The following MYO9A variants were observed in gnomAD, a reference collection of about 807,000 sequenced individuals.
MYO9A encodes the protein unconventional myosin-IXa.
MYO9A carries 103 observed loss-of-function variants against 293.3 expected under a neutral mutation model. That is an observed-to-expected ratio of 0.35 (90% CI 0.30 to 0.41). The LOEUF (loss-of-function observed/expected upper bound fraction) is 0.41. Ranked by LOEUF, MYO9A falls within the 10% of genes least tolerant of loss-of-function variation. The pLI, the probability that MYO9A is intolerant of heterozygous loss-of-function variation, is 1.00. For synonymous variants in MYO9A, 1,001 were observed against 1,035.7 expected, an observed-to-expected ratio of 0.97 and a Z score of 0.64; for missense variants, 2,685 against 3,033.0, an observed-to-expected ratio of 0.89 and a Z score of 2.69.
chr15:72,010,084 G>A (rs1310758583), intron 7 of MYO9A, among the ~76,000 whole-genome samples: 1 of 152,096 alleles, frequency 6.6e-6, no homozygotes, highest in Non-Finnish European at 1.5e-5. Flanking sequence ...AAGGTCCATG[G>A]ATAGGCTTCA....
chr15:71,900,103 G>C (rs1157411979), intron 23 of MYO9A, 97 bp from the exon 24 acceptor site: 1 of 1,221,150 alleles, frequency 8.2e-7, no homozygotes, highest in East Asian at 2.6e-5. Context: ...CATAATTACA[G>C]GTTAAGTGGC....
intron 1 of MYO9A, among the ~76,000 whole-genome samples, chr15:72,109,073 T>A (rs1355293464): frequency 6.6e-6 from 1 of 152,076 alleles, no homozygotes; most frequent in African/African-American, 2.4e-5. Flanking sequence ...GCAACTTACT[T>A]TCAAAAGGTT....
At chr15:71,914,960 C>T (rs948361774) in intron 19 of MYO9A, among the ~76,000 whole-genome samples, 14 of 152,250 alleles carry the variant, frequency 9.2e-5, no homozygotes, top group African/African-American at 3.1e-4. Flanking sequence ...CTTAATAATT[C>T]TACCTTTCAT....
intron 1 of MYO9A, among the ~76,000 whole-genome samples, chr15:72,060,739 C>A (rs2078855790): frequency 6.6e-6 from 1 of 152,194 alleles, no homozygotes; most frequent in Non-Finnish European, 1.5e-5. Flanking sequence ...TGGGATCATA[C>A]ATAAACTTAG....
At chr15:71,901,475 A>G (rs980131676) in intron 22 of MYO9A, 135 bp from the exon 23 acceptor site, 1 of 869,168 alleles carries the variant, frequency 1.2e-6, no homozygotes, top group African/African-American at 1.7e-5. Flanking sequence ...GTACTGATAA[A>G]TATTCCTACA....
At position 72,117,777 on chromosome 15, in the gene MYO9A, G is replaced by A. The variant is rs1225713061; in HGVS notation, c.-169C>T. On this transcript the variant is annotated 5_prime_UTR_variant, in exon 1 of 42. Transcript: ENST00000356056. ...GGGTAGGACCGGAGATGGCAGAAGA[G>A]GCCGAGGCCACCGAGGGTCGGACGG... 4 of 398,060 alleles carry A rather than the reference G, an allele frequency of 1.0e-5. No individual in the cohort carries two copies. Among genetic ancestry groups the A allele is most frequent in the Non-Finnish European group, 1.8e-5 (4 of 225,472 alleles). The allele number at this position is 398,060 out of a possible 1,614,324, so 24.7% of individuals were successfully genotyped here.
chr15:71,832,515 C>A (rs1282796331), intron 39 of MYO9A, among the ~76,000 whole-genome samples: 1 of 152,050 alleles, frequency 6.6e-6, no homozygotes, highest in Non-Finnish European at 1.5e-5. Context: ...GTTTATTTCT[C>A]AACAGAAATA....
rs1351852778 is a variant in MYO9A, at chr15:72,002,688, A to G, written c.1381-2748T>C. 2.6e-5 allele frequency among the ~76,000 whole-genome samples: 4 copies of G among 152,210 alleles called. No individual in the cohort carries two copies. The East Asian group carries it at 7.7e-4, about 29-fold the overall frequency. ...CTATGTATTCTTTATAAAAACATCT[A>G]TCTATACTGAAAATATAGAAACAAG... On this transcript the variant is annotated intron_variant, in intron 8 of 41. Transcript: ENST00000356056.
intron 10 of MYO9A, among the ~76,000 whole-genome samples, chr15:71,994,021 A>T (rs2076623105): frequency 6.6e-6 from 1 of 152,054 alleles, no homozygotes; most frequent in Admixed American, 6.6e-5. Context: ...ATACACAGGT[A>T]AGTAAAAGAA....
intron 1 of MYO9A, among the ~76,000 whole-genome samples, chr15:72,098,517 C>CA (rs2080141510): frequency 6.6e-6 from 1 of 151,716 alleles, no homozygotes; most frequent in South Asian, 2.1e-4. Flanking sequence ...AAATAAATAA[C>CA]AAAACTACAT....
At chr15:71,950,951 C>T (rs1334339832) in intron 15 of MYO9A, among the ~76,000 whole-genome samples, 1 of 152,054 alleles carries the variant, frequency 6.6e-6, no homozygotes, top group African/African-American at 2.4e-5. Context: ...AGCAGTGCCT[C>T]AATAATAGTA....
chr15:71,988,253 A>G (rs549150451), intron 11 of MYO9A, among the ~76,000 whole-genome samples: 1 of 152,326 alleles, frequency 6.6e-6, no homozygotes, highest in South Asian at 2.1e-4. Context: ...TTAACTTAGT[A>G]TGATTTATGT....
chr15:71,893,644 T>C (rs2057241526), intron 26 of MYO9A, 35 bp downstream of exon 26: 1 of 1,502,860 alleles, frequency 6.7e-7, no homozygotes, highest in Non-Finnish European at 9.3e-7. Context: ...ATCTCTTTTG[T>C]ATAGAAGATA....
chr15:72,115,999 T>C (rs1308127907), intron 1 of MYO9A, among the ~76,000 whole-genome samples: 1 of 152,170 alleles, frequency 6.6e-6, no homozygotes, highest in Non-Finnish European at 1.5e-5. Context: ...ACCTCTAGGA[T>C]GTAGTATTAA....
intron 11 of MYO9A, among the ~76,000 whole-genome samples, chr15:71,980,123 G>C (rs754137815): frequency 6.6e-6 from 1 of 151,990 alleles, no homozygotes; most frequent in Non-Finnish European, 1.5e-5. Context: ...TGGGATTATA[G>C]GCACAAGTCA....
At chr15:71,831,593 T>C (rs2054729984) in intron 39 of MYO9A, among the ~76,000 whole-genome samples, 1 of 152,238 alleles carries the variant, frequency 6.6e-6, no homozygotes, top group African/African-American at 2.4e-5. Context: ...TCAAGTCATC[T>C]GAATGGTCCA....
At chr15:72,077,084 T>C (rs1427330360) in intron 1 of MYO9A, among the ~76,000 whole-genome samples, 1 of 150,570 alleles carries the variant, frequency 6.6e-6, no homozygotes, top group East Asian at 1.9e-4. Flanking sequence ...TAACTCAAAA[T>C]GGATCGCATA....
intron 8 of MYO9A, among the ~76,000 whole-genome samples, chr15:72,003,252 A>G (rs1396099441): frequency 6.6e-6 from 1 of 151,304 alleles, no homozygotes; most frequent in Non-Finnish European, 1.5e-5. Context: ...CTGGGCAACA[A>G]GAGCAAAATA....
chr15:72,100,940 C>T (rs1424463963), intron 1 of MYO9A, among the ~76,000 whole-genome samples: 2 of 135,370 alleles, frequency 1.5e-5, no homozygotes, highest in African/African-American at 2.8e-5. Context: ...GCCCCCCGCC[C>T]GGCCAGCCGC....
Sources: gnomAD v4.1 joint callset for allele counts (sites outside exome capture counted in the v4.1 genomes callset) on GRCh38, gnomAD v4.1.1 for gene constraint, MANE v1.5 for transcripts, NCBI Gene and HGNC (gene_info 2026-07-23, HGNC 2026-07-21) for gene names.